The following C12orf76 variants were observed in gnomAD, a reference collection of about 807,000 sequenced individuals.
C12orf76 encodes the protein chromosome 12 open reading frame 76.
Under a neutral mutation model 6.8 loss-of-function variants are expected in C12orf76, and 6 were observed. The ratio of observed to expected loss-of-function variants is 0.88; its 90% confidence interval spans 0.48 to 1.73. The LOEUF (loss-of-function observed/expected upper bound fraction) is 1.73, where lower values mean the gene tolerates loss of function less well. C12orf76 is among the 40% of genes most tolerant of loss of function. The probability of loss-of-function intolerance (pLI) is 0.01; values close to 1 mark genes in which losing one functional copy is unlikely to be tolerated. For synonymous variants in C12orf76, 56 were observed against 43.7 expected, an observed-to-expected ratio of 1.28 and a Z score of -1.11; for missense variants, 99 against 98.2, an observed-to-expected ratio of 1.01 and a Z score of -0.03.
chr12:110,048,466 G>A lies in C12orf76; in HGVS notation c.30C>T (p.Tyr10=), dbSNP rs937558759. Residue 10 remains tyrosine, a synonymous_variant, in exon 1 of 2, where the codon TAC becomes TAT. Coordinates refer to ENST00000615315, the MANE Select transcript of C12orf76 (RefSeq NM_001389625.1). Reference sequence around the variant, plus strand: ...CCACCAGGAGGCTGCAGAGGCCAAGGTACAGCCACGGTAACGCTGGACGCA... The same window carrying A: ...CCACCAGGAGGCTGCAGAGGCCAAGATACAGCCACGGTAACGCTGGACGCA... The part of the protein sequence containing the change: MLRPALPWL[Y]LGLCSLLVGE... The A allele has an allele frequency of 2.8e-5, 41 of 1,480,706 alleles. 1 individual carries two copies. In the African/African-American group the frequency reaches 5.9e-4, roughly 21 times the overall value. The allele number at this position is 1,480,706 out of a possible 1,614,324, so 91.7% of individuals were successfully genotyped here.
At chr12:110,063,249 T>A (rs527942422) in intron 2 of C12orf76, among the ~76,000 whole-genome samples, 2 of 152,028 alleles carry the variant, frequency 1.3e-5, no homozygotes, top group East Asian at 3.9e-4. Context: ...CCCCCTTTTT[T>A]AATTTAATTT....
chr12:110,060,496 G>GCC (rs1461383707), intron 2 of C12orf76, among the ~76,000 whole-genome samples: 3 of 152,050 alleles, frequency 2.0e-5, no homozygotes, highest in Non-Finnish European at 2.9e-5. Context: ...CTGTGACCAT[G>GCC]CCCCACCTCC....
rs778310667 is a variant in C12orf76, at chr12:110,059,129, A to G, written n.415T>C. 6.5e-6 allele frequency: 10 copies of G among 1,548,898 alleles called. No individual in the cohort carries two copies. In the South Asian group the frequency reaches 1.2e-4, roughly 18 times the overall value. On this transcript the variant is annotated non_coding_transcript_exon_variant, in exon 3 of 5. Coordinates refer to the C12orf76 transcript ENST00000309050. Reference sequence around the variant, plus strand: ...TCTCTTAAATGCTATGGTAAATGGAATTATTTTTCCAATTTCCTTTTCAAA... The same window carrying G: ...TCTCTTAAATGCTATGGTAAATGGAGTTATTTTTCCAATTTCCTTTTCAAA...
intron 4 of C12orf76, chr12:110,056,801 T>C (rs1892676151): frequency 1.6e-5 from 3 of 186,516 alleles, no homozygotes; most frequent in African/African-American, 7.1e-5. Flanking sequence ...AGGTTTCCCC[T>C]TTTGCTTGGC....
At chr12:110,049,963 T>C (rs1336615303), upstream of C12orf76, 6 of 152,336 alleles carry the variant, frequency 3.9e-5, no homozygotes, top group East Asian at 1.2e-3. Context: ...AAATCTTTAG[T>C]GCTGTGAGGA....
chr12:110,073,467 T>A (rs1002685362), exon 1 of C12orf76: 1 of 523,828 alleles, frequency 1.9e-6, no homozygotes, highest in Non-Finnish European at 3.8e-6. Flanking sequence ...AATGGTGCCA[T>A]AATTGATGCT....
intron 2 of C12orf76, among the ~76,000 whole-genome samples, chr12:110,059,895 C>T (rs967794947): frequency 1.3e-5 from 2 of 152,158 alleles, no homozygotes; most frequent in African/African-American, 4.8e-5. Context: ...GATTTTGGCT[C>T]ATTTTCTCAG....
At chr12:110,057,221 A>G (rs773062346) in exon 4 of C12orf76, 3 of 1,613,754 alleles carry the variant, frequency 1.9e-6, no homozygotes, top group Non-Finnish European at 2.5e-6. Flanking sequence ...GCCCCATGCC[A>G]GCATGGTTAG....
upstream of C12orf76, among the ~76,000 whole-genome samples, chr12:110,068,851 A>T (rs769490961): frequency 6.6e-6 from 1 of 152,168 alleles, no homozygotes; most frequent in Non-Finnish European, 1.5e-5. Flanking sequence ...CCACACCAGT[A>T]CTACTTGGTG....
At chr12:110,049,738 G>T (rs1236186551), upstream of C12orf76, 1 of 152,208 alleles carries the variant, frequency 6.6e-6, no homozygotes, top group Non-Finnish European at 1.5e-5. Flanking sequence ...AGTCACAGGG[G>T]ATGCGATGGC....
intron 2 of C12orf76, among the ~76,000 whole-genome samples, chr12:110,059,506 C>T (rs1892732975): frequency 6.6e-6 from 1 of 152,214 alleles, no homozygotes; most frequent in African/African-American, 2.4e-5. Context: ...TGTCTGTCCA[C>T]CCCACATTCA....
chr12:110,050,246 C>T (rs1252533663), upstream of C12orf76: 1 of 152,218 alleles, frequency 6.6e-6, no homozygotes, highest in Non-Finnish European at 1.5e-5. Context: ...AGTTTTGAAT[C>T]TGGAGGCTTT....
chr12:110,058,920 A>G (rs1213795920), intron 3 of C12orf76: 5 of 1,462,230 alleles, frequency 3.4e-6, no homozygotes, highest in Non-Finnish European at 4.5e-6. Context: ...AACTTTTGCA[A>G]TTCTTACTCC....
In C12orf76 at chr12:110,048,486, G is replaced by A; in HGVS notation, c.10C>T (p.Pro4Ser). 6.9e-7 allele frequency: 1 copy of A among 1,447,776 alleles called. No individual in the cohort carries two copies. Among genetic ancestry groups the A allele is most frequent in the Non-Finnish European group, 9.1e-7 (1 of 1,101,426 alleles). The allele number at this position is 1,447,776 out of a possible 1,614,324, so 89.7% of individuals were successfully genotyped here. A position where few individuals can be genotyped will look rare whatever the true frequency, so the allele number is the denominator to read the frequency against. ...CCAAGGTACAGCCACGGTAACGCTG[G>A]ACGCAGCATCTTCCCCAGCCCTGCA... MLRPALPWLYLGLC... is the reference protein window; with the variant it reads MLRSALPWLYLGLC... Residue 4 changes from proline (P) to serine (S), a missense_variant, in exon 1 of 2, where the codon CCA (proline) becomes TCA (serine). Pro to Ser is a moderately conservative substitution (Grantham distance 74, BLOSUM62 -1). Transcript: ENST00000615315.
intron 2 of C12orf76, among the ~76,000 whole-genome samples, chr12:110,062,810 T>A (rs1211824136): frequency 6.8e-6 from 1 of 146,034 alleles, no homozygotes; most frequent in Admixed American, 6.8e-5. Context: ...TTTTTTTTTT[T>A]TTTTTTAGAG....
chr12:110,060,611 C>T (rs1388027692), intron 2 of C12orf76, among the ~76,000 whole-genome samples: 5 of 152,178 alleles, frequency 3.3e-5, no homozygotes, highest in African/African-American at 1.2e-4. Context: ...AGCACTCCCA[C>T]CCCTTAAAGG....
chr12:110,047,523 C>T (rs969199037), intron 1 of C12orf76, among the ~76,000 whole-genome samples: 2 of 151,974 alleles, frequency 1.3e-5, no homozygotes, highest in African/African-American at 4.8e-5. Flanking sequence ...ACAACAACAA[C>T]AACAAAATGA....
intron 2 of C12orf76, among the ~76,000 whole-genome samples, chr12:110,064,738 T>C (rs1892830446): frequency 6.6e-6 from 1 of 152,122 alleles, no homozygotes; most frequent in Non-Finnish European, 1.5e-5. Flanking sequence ...TCTCGGCCAC[T>C]GTACACGCCA....
intron 2 of C12orf76, among the ~76,000 whole-genome samples, chr12:110,062,891 T>C (rs1168213971): frequency 7.0e-6 from 1 of 142,980 alleles, no homozygotes; most frequent in African/African-American, 2.6e-5. Context: ...AATCCTCCCA[T>C]CTCAGCCTCC....
Sources: allele counts gnomAD v4.1 joint callset (sites outside exome capture counted in the v4.1 genomes callset), GRCh38; gene constraint gnomAD v4.1.1; transcripts MANE v1.5; gene names NCBI Gene and HGNC (gene_info 2026-07-23, HGNC 2026-07-21).